Variants in ADCY5 observed in about 807,000 individuals in gnomAD.
ADCY5 encodes the protein adenylate cyclase 5.
In ADCY5, 30 loss-of-function variants were observed where a neutral mutation model predicts 119.7. The observed-to-expected ratio is 0.25, with a 90% CI of 0.19 to 0.34. The LOEUF is 0.34. ADCY5 is among the 10% of genes least tolerant of loss of function. The pLI is 1.00. For missense variants in ADCY5, 1,324 were observed against 1,775.2 expected (o/e 0.75, Z 4.57); for synonymous variants, 753 against 762.2 (o/e 0.99, Z 0.20).
At chr3:123,307,452 A>G (rs78733727) in intron 12 of ADCY5, among the ~76,000 whole-genome samples, 4,911 of 152,294 alleles carry the variant, frequency 0.032, 239 homozygotes, top group African/African-American at 0.11. Flanking sequence ...CAGAAAAGTT[A>G]GTTAATATCT....
At chr3:123,357,526 C>T (rs1943083254) in intron 1 of ADCY5, among the ~76,000 whole-genome samples, 1 of 152,164 alleles carries the variant, frequency 6.6e-6, no homozygotes, top group African/African-American at 2.4e-5. Flanking sequence ...AACCCAATAG[C>T]CGTCCAAATG....
rs1323693501 is a variant in ADCY5, at chr3:123,447,409, T to C, written c.1134+3A>G. The stretch of plus-strand genomic sequence containing the variant: ...CAGTCCCGGTGGCCAGGTCGGCCCC[T>C]ACCTGCTTCAGCAGGAACTGGTCCT... On this transcript the variant is annotated splice_donor_region_variant and intron_variant, in intron 1 of 20. Coordinates refer to ENST00000462833, the MANE Select transcript of ADCY5 (RefSeq NM_183357.3). 1.3e-6 allele frequency: 2 copies of C among 1,562,890 alleles called. No homozygotes were observed. The highest frequency in any genetic ancestry group is 1.7e-6 in the Non-Finnish European group (2 of 1,152,128).
At chr3:123,289,102 C>T (rs776546912) in intron 19 of ADCY5, among the ~76,000 whole-genome samples, 5 of 152,204 alleles carry the variant, frequency 3.3e-5, no homozygotes, top group East Asian at 1.9e-4. Flanking sequence ...AATCATTTCA[C>T]GGTCACTATC....
intron 9 of ADCY5, among the ~76,000 whole-genome samples, chr3:123,320,444 A>G (rs2108348096): frequency 1.3e-5 from 2 of 152,338 alleles, no homozygotes; most frequent in African/African-American, 4.8e-5. Flanking sequence ...ACTGCTGACC[A>G]GTGTGTAAGG....
At chr3:123,437,111 G>A (rs1945631389) in intron 1 of ADCY5, among the ~76,000 whole-genome samples, 1 of 152,178 alleles carries the variant, frequency 6.6e-6, no homozygotes, top group African/African-American at 2.4e-5. Flanking sequence ...CCAAAAAGAA[G>A]AGTGTGTTAT....
chr3:123,312,458 C>T (rs1401215062), intron 12 of ADCY5, among the ~76,000 whole-genome samples: 1 of 152,186 alleles, frequency 6.6e-6, no homozygotes, highest in Non-Finnish European at 1.5e-5. Flanking sequence ...TGGCATTAAT[C>T]ACACTCATGT....
chr3:123,422,092 C>CA (rs1203122837), intron 1 of ADCY5, among the ~76,000 whole-genome samples: 7 of 152,186 alleles, frequency 4.6e-5, no homozygotes, highest in Non-Finnish European at 1.5e-5. Flanking sequence ...TACTAGGAAG[C>CA]AAAAAACTGT....
chr3:123,333,821 T>C (rs1460577142), intron 3 of ADCY5, among the ~76,000 whole-genome samples: 3 of 152,152 alleles, frequency 2.0e-5, no homozygotes, highest in Non-Finnish European at 4.4e-5. Flanking sequence ...GACTTCCCAA[T>C]CCCACACAGA....
chr3:123,296,860 T>C (rs1407060925), intron 16 of ADCY5: 8 of 735,448 alleles, frequency 1.1e-5, no homozygotes, highest in Admixed American at 3.0e-5. Context: ...TCCTACGTCT[T>C]GTGCCTGCCA....
chr3:123,384,534 A>T (rs1256744866), intron 1 of ADCY5, among the ~76,000 whole-genome samples: 1 of 152,184 alleles, frequency 6.6e-6, no homozygotes, highest in African/African-American at 2.4e-5. Context: ...CCAGGTCACA[A>T]GGGCCGGAAC....
Position 123,390,502 on chromosome 3 carries a change from G to A in ADCY5, c.1135-37921C>T, listed in dbSNP as rs74825766. ...TGGGAGCCTAGATCCTCCTAAAATG[G>A]TTTTGAGCTTTCTCTGCATCCACAG... is the stretch of plus-strand genomic sequence containing the variant. On this transcript the variant is annotated intron_variant, in intron 1 of 20. Transcript: ENST00000462833. Among the ~76,000 whole-genome samples the A allele has an allele frequency of 4.4e-4, 67 of 152,352 alleles. 1 individual carries two copies. The East Asian group carries it at 0.012, about 28-fold the overall frequency.
At chr3:123,408,828 T>G (rs1229688160) in intron 1 of ADCY5, among the ~76,000 whole-genome samples, 1 of 150,602 alleles carries the variant, frequency 6.6e-6, no homozygotes, top group African/African-American at 2.4e-5. Flanking sequence ...ATACAAAAAT[T>G]AGCCAGGTGT....
In ADCY5 at chr3:123,313,223, T is replaced by A. The variant is rs191535067; in HGVS notation, c.2442+1012A>T. ...GGTCCCTTCCAGTTCTGACAATCAG[T>A]CCACCAAGACCTTGACCATGACGTG... On this transcript the variant is annotated intron_variant, in intron 12 of 20. Transcript: ENST00000462833. 1.9e-4 allele frequency among the ~76,000 whole-genome samples: 29 copies of A among 152,146 alleles called. No homozygotes were observed. The East Asian group carries it at 3.5e-3, about 18-fold the overall frequency.
chr3:123,399,925 A>C (rs1372849543), intron 1 of ADCY5, among the ~76,000 whole-genome samples: 1 of 152,212 alleles, frequency 6.6e-6, no homozygotes, highest in East Asian at 1.9e-4. Flanking sequence ...ACAGAAGGCC[A>C]GGGGTTAAGG....
At position 123,282,518 on chromosome 3, in the gene ADCY5, G is replaced by A. The variant is rs1938438686; in HGVS notation, c.*2090C>T. ...GGAAGCCATGACCATGGGAGAACAT[G>A]GGATGAACTCAGCACACACACTTTA... On this transcript the variant is annotated 3_prime_UTR_variant, in exon 21 of 21. Coordinates refer to ENST00000462833, the MANE Select transcript of ADCY5 (RefSeq NM_183357.3). The A allele has an allele frequency of 6.6e-6, 1 of 152,278 alleles. No individual in the cohort carries two copies. Among genetic ancestry groups the A allele is most frequent in the South Asian group, 2.1e-4 (1 of 4,826 alleles). The allele number at this position is 152,278 out of a possible 1,614,324, so 9.4% of individuals were successfully genotyped here.
chr3:123,404,511 C>T (rs1944852630), intron 1 of ADCY5: 1 of 152,658 alleles, frequency 6.6e-6, no homozygotes, highest in Non-Finnish European at 1.5e-5. Context: ...CGGCCCATGT[C>T]CCCTGCCTGT....
At chr3:123,371,445 T>G (rs1943638532) in intron 1 of ADCY5, among the ~76,000 whole-genome samples, 1 of 152,216 alleles carries the variant, frequency 6.6e-6, no homozygotes, top group Admixed American at 6.5e-5. Context: ...TCGATCGCAG[T>G]CCCCTGAGGA....
intron 2 of ADCY5, among the ~76,000 whole-genome samples, chr3:123,350,890 G>A (rs1188226618): frequency 1.3e-5 from 2 of 152,200 alleles, no homozygotes; most frequent in Admixed American, 6.5e-5. Flanking sequence ...CTGATCTCAG[G>A]TGAGAGATGC....
chr3:123,349,902 C>T (rs1036886719), intron 2 of ADCY5, among the ~76,000 whole-genome samples: 2 of 151,964 alleles, frequency 1.3e-5, no homozygotes, highest in Non-Finnish European at 2.9e-5. Context: ...ATACACCAGA[C>T]CATGTCGCCT....
Sources: gnomAD v4.1 joint callset for allele counts (sites outside exome capture counted in the v4.1 genomes callset) on GRCh38, gnomAD v4.1.1 for gene constraint, MANE v1.5 for transcripts, NCBI Gene and HGNC (gene_info 2026-07-23, HGNC 2026-07-21) for gene names.